HTR1E: variants seen among roughly 807,000 people sequenced by gnomAD.
HTR1E encodes 5-HT-1E.
Under a neutral mutation model 3.4 loss-of-function variants are expected in HTR1E, and 3 were observed. That is an observed-to-expected ratio of 0.89 (90% confidence interval 0.41 to 2.31). The LOEUF (loss-of-function observed/expected upper bound fraction) is 2.31. Ranked by LOEUF, HTR1E falls within the 30% of genes most tolerant of loss-of-function variation. HTR1E has a pLI of 0.05. For missense variants in HTR1E, 392 were observed against 467.0 expected (o/e 0.84, Z 1.48); for synonymous variants, 170 against 182.8 (o/e 0.93, Z 0.56).
intron 1 of HTR1E, among the ~76,000 whole-genome samples, chr6:87,009,125 G>C (rs1429839156): frequency 1.3e-5 from 2 of 150,332 alleles, no homozygotes; most frequent in Non-Finnish European, 3.0e-5. Flanking sequence ...ATTTGGCAGG[G>C]TCATGGGACA....
chr6:87,005,434 G>A lies in HTR1E; in HGVS notation c.-185-9716G>A, dbSNP rs538947596. On this transcript the variant is annotated intron_variant, in intron 1 of 1. Transcript: ENST00000305344. ...AAATAGAAAACCCAGAAATAAATCC[G>A]TACGTCTACCATGAACTTATTTTTG... 5.3e-5 allele frequency among the ~76,000 whole-genome samples: 8 copies of A among 152,090 alleles called. No homozygotes were observed. The South Asian group carries it at 1.0e-3, about 20-fold the overall frequency.
intron 1 of HTR1E, among the ~76,000 whole-genome samples, chr6:86,949,614 C>A (rs1319277484): frequency 1.3e-5 from 2 of 151,884 alleles, no homozygotes; most frequent in Non-Finnish European, 2.9e-5. Flanking sequence ...ACCAGGAGGC[C>A]AGAAAATAGA....
intron 1 of HTR1E, among the ~76,000 whole-genome samples, chr6:87,009,052 T>A (rs1429200120): frequency 2.0e-5 from 3 of 149,330 alleles, no homozygotes; most frequent in Non-Finnish European, 4.4e-5. Context: ...CACACTTCTT[T>A]TTATTTTTTT....
At chr6:86,980,623 C>T (rs1767698440) in intron 1 of HTR1E, among the ~76,000 whole-genome samples, 1 of 152,142 alleles carries the variant, frequency 6.6e-6, no homozygotes, top group African/African-American at 2.4e-5. Context: ...AGTCATCATA[C>T]TCTATGTTGA....
intron 1 of HTR1E, among the ~76,000 whole-genome samples, chr6:87,005,394 T>C (rs188661556): frequency 2.0e-5 from 3 of 152,180 alleles, no homozygotes; most frequent in Admixed American, 2.0e-4. Context: ...AACAGACACA[T>C]AGACCAATGA....
chr6:86,964,656 C>T (rs1307655696), intron 1 of HTR1E, among the ~76,000 whole-genome samples: 1 of 152,132 alleles, frequency 6.6e-6, no homozygotes, highest in African/African-American at 2.4e-5. Context: ...CTCCTTACAA[C>T]AGAAATAAGT....
At chr6:86,958,225 A>AT (rs1562060997) in intron 1 of HTR1E, among the ~76,000 whole-genome samples, 2 of 151,794 alleles carry the variant, frequency 1.3e-5, no homozygotes, top group Non-Finnish European at 2.9e-5. Flanking sequence ...TGCCCAGCTA[A>AT]TTTTTTGTAT....
chr6:86,979,484 G>C (rs1026227937), intron 1 of HTR1E, among the ~76,000 whole-genome samples: 1 of 152,212 alleles, frequency 6.6e-6, no homozygotes, highest in Admixed American at 6.5e-5. Context: ...TATTTTTTAA[G>C]TTTTGGCCTG....
intron 1 of HTR1E, among the ~76,000 whole-genome samples, chr6:86,997,045 G>C (rs757520630): frequency 6.6e-6 from 1 of 151,910 alleles, no homozygotes; most frequent in Non-Finnish European, 1.5e-5. Flanking sequence ...TTCTAGAAAT[G>C]CAAGGCTGTA....
In HTR1E at chr6:86,995,661, A is replaced by C. The variant is rs1422312294; in HGVS notation, c.-185-19489A>C. Among the ~76,000 whole-genome samples the C allele has an allele frequency of 3.9e-5, 4 of 101,562 alleles. No homozygotes were observed. The East Asian group carries it at 1.2e-3, about 29-fold the overall frequency. The allele number at this position is 101,562 out of a possible 152,430, so 66.6% of individuals were successfully genotyped here. A position where few individuals can be genotyped will look rare whatever the true frequency, so the allele number is the denominator to read the frequency against. ...AGCCTGGGTGACAGAGTGAGACTCC[A>C]TCTCAAAAAAAAAAAAAAAAAAAAA... On this transcript the variant is annotated intron_variant, in intron 1 of 1. Transcript: ENST00000305344.
At chr6:86,958,447 G>A (rs1767355727) in intron 1 of HTR1E, among the ~76,000 whole-genome samples, 1 of 152,038 alleles carries the variant, frequency 6.6e-6, no homozygotes, top group South Asian at 2.1e-4. Context: ...TCCTGTTTCT[G>A]TTTTTTCCCT....
At chr6:86,985,443 A>G (rs1037699204) in intron 1 of HTR1E, among the ~76,000 whole-genome samples, 8 of 152,160 alleles carry the variant, frequency 5.3e-5, no homozygotes, top group African/African-American at 1.9e-4. Context: ...ATAATATCCT[A>G]GCCCTTTAAG....
At chr6:86,943,031 C>A (rs2127815384) in intron 1 of HTR1E, among the ~76,000 whole-genome samples, 1 of 152,350 alleles carries the variant, frequency 6.6e-6, no homozygotes, top group Non-Finnish European at 1.5e-5. Flanking sequence ...TAATCTCTCA[C>A]ATTGCATTAA....
chr6:86,978,779 A>C (rs1767673622), intron 1 of HTR1E, among the ~76,000 whole-genome samples: 1 of 152,244 alleles, frequency 6.6e-6, no homozygotes, highest in Non-Finnish European at 1.5e-5. Context: ...CCCTGCAGAA[A>C]GAAATCTGAA....
intron 1 of HTR1E, among the ~76,000 whole-genome samples, chr6:86,963,895 C>T (rs1278083395): frequency 6.6e-6 from 1 of 152,168 alleles, no homozygotes; most frequent in Non-Finnish European, 1.5e-5. Flanking sequence ...CAGGACTATA[C>T]TTATTAAGCA....
intron 1 of HTR1E, among the ~76,000 whole-genome samples, chr6:86,951,155 C>A (rs551326387): frequency 9.2e-5 from 14 of 152,236 alleles, no homozygotes; most frequent in Admixed American, 5.2e-4. Context: ...ATAACACAAA[C>A]AAGAGTAACC....
intron 1 of HTR1E, among the ~76,000 whole-genome samples, chr6:86,985,065 A>G (rs915170980): frequency 2.0e-5 from 3 of 152,156 alleles, no homozygotes; most frequent in Admixed American, 2.0e-4. Context: ...AGGCCAAGTG[A>G]CAATAAAGAA....
chr6:86,997,094 A>T (rs1158122658), intron 1 of HTR1E, among the ~76,000 whole-genome samples: 1 of 152,014 alleles, frequency 6.6e-6, no homozygotes, highest in Non-Finnish European at 1.5e-5. Context: ...GAAAAATCAC[A>T]TGATGATATC....
At chr6:86,986,220 G>A (rs1210599669) in intron 1 of HTR1E, among the ~76,000 whole-genome samples, 2 of 152,092 alleles carry the variant, frequency 1.3e-5, no homozygotes, top group Non-Finnish European at 1.5e-5. Flanking sequence ...CCAATATCTG[G>A]AGGACTGTTA....
Sources: allele counts gnomAD v4.1 joint callset (sites outside exome capture counted in the v4.1 genomes callset), GRCh38; gene constraint gnomAD v4.1.1; transcripts MANE v1.5; gene names NCBI Gene and HGNC (gene_info 2026-07-23, HGNC 2026-07-21).